Variants in BMF observed in about 807,000 individuals in gnomAD.
The protein encoded by BMF is bcl-2-modifying factor.
BMF carries 10 observed loss-of-function variants against 22.0 expected under a neutral mutation model. The observed-to-expected ratio is 0.45, with a 90% CI of 0.28 to 0.77. The LOEUF (loss-of-function observed/expected upper bound fraction) is 0.77, where lower values mean the gene tolerates loss of function less well. Among genes scored for constraint, BMF ranks in the 30% least tolerant of loss-of-function variants. The pLI is 0.13. For missense variants in BMF, 206 were observed against 226.8 expected (o/e 0.91, Z 0.59); for synonymous variants, 87 against 88.1 (o/e 0.99, Z 0.07).
intron 2 of BMF, among the ~76,000 whole-genome samples, chr15:40,107,123 C>A (rs1409681348): frequency 6.6e-6 from 1 of 152,214 alleles, no homozygotes; most frequent in Non-Finnish European, 1.5e-5. Context: ...TACTCAGCAT[C>A]TTAAGCTTCC....
intron 4 of BMF, among the ~76,000 whole-genome samples, chr15:40,099,778 A>AT (rs2036437864): frequency 9.1e-6 from 1 of 109,884 alleles, no homozygotes; most frequent in Non-Finnish European, 2.0e-5. Flanking sequence ...ACGCTGTCTC[A>AT]CCAAAAAAAA....
At chr15:40,093,049 T>C (rs1306063621) in intron 4 of BMF, among the ~76,000 whole-genome samples, 2 of 152,166 alleles carry the variant, frequency 1.3e-5, no homozygotes, top group Non-Finnish European at 2.9e-5. Flanking sequence ...CAACTACTCC[T>C]GGTCAGATGG....
chr15:40,093,707 T>C (rs2036296811), intron 4 of BMF, among the ~76,000 whole-genome samples: 1 of 152,134 alleles, frequency 6.6e-6, no homozygotes, highest in African/African-American at 2.4e-5. Context: ...CTGAGGTGCT[T>C]GTCTGAGAAG....
intron 4 of BMF, among the ~76,000 whole-genome samples, chr15:40,101,050 G>C (rs1043441874): frequency 2.0e-5 from 3 of 152,158 alleles, no homozygotes; most frequent in African/African-American, 7.2e-5. Flanking sequence ...AATCCAGCCC[G>C]CAATGATGGG....
chr15:40,096,905 G>A (rs962574273), intron 4 of BMF, among the ~76,000 whole-genome samples: 9 of 152,296 alleles, frequency 5.9e-5, no homozygotes, highest in African/African-American at 2.2e-4. Flanking sequence ...ACTTCAGACT[G>A]TGATCTGAAA....
intron 4 of BMF, among the ~76,000 whole-genome samples, chr15:40,094,017 C>T (rs528153314): frequency 5.3e-5 from 8 of 152,284 alleles, no homozygotes; most frequent in African/African-American, 1.7e-4. Flanking sequence ...GAGCTATGTC[C>T]CTTCCCATTA....
chr15:40,104,460 A>C, intron 3 of BMF, 120 bp from the exon 4 acceptor site: 2 of 1,305,804 alleles, frequency 1.5e-6, no homozygotes, highest in South Asian at 2.7e-5. Context: ...AAAGGATAGG[A>C]GCCAGCCTGC....
chr15:40,088,132 T>C lies in BMF; in HGVS notation c.*3655A>G, dbSNP rs1297870002. ...CACTGGGTCTCCTCGATAGCCCCTG[T>C]GGATCCAGGGATGGGGTAGAAGGCT... On this transcript the variant is annotated 3_prime_UTR_variant, in exon 5 of 5. Transcript: ENST00000354670. 6.6e-6 allele frequency: 1 copy of C among 152,602 alleles called. No homozygotes were observed. The highest frequency in any genetic ancestry group is 2.4e-5 in the African/African-American group (1 of 41,432). 9.5% of individuals were successfully genotyped at this position (152,602 alleles called of 1,614,324 possible).
In BMF at chr15:40,090,688, A is replaced by G. The variant is rs1157223269; in HGVS notation, c.*1099T>C. ...TTATCTGTTACTCTAAAAGTCACTT[A>G]GCTGGCAAAGCCACTGTCCTGGCTT... On this transcript the variant is annotated 3_prime_UTR_variant, in exon 5 of 5. Transcript: ENST00000354670. 6.6e-6 allele frequency: 1 copy of G among 152,258 alleles called. No homozygotes were observed. Among genetic ancestry groups the G allele is most frequent in the Non-Finnish European group, 1.5e-5 (1 of 68,052 alleles). 9.4% of individuals were successfully genotyped at this position (152,258 alleles called of 1,614,324 possible). A position where few individuals can be genotyped will look rare whatever the true frequency, so the allele number is the denominator to read the frequency against.
intron 4 of BMF, among the ~76,000 whole-genome samples, chr15:40,092,167 T>A (rs1292335512): frequency 3.3e-5 from 5 of 152,208 alleles, no homozygotes; most frequent in Non-Finnish European, 5.9e-5. Flanking sequence ...TTTCCCCTGC[T>A]TGCAGGATTT....
At position 40,105,902 on chromosome 15, in the gene BMF, G is replaced by A. The variant is rs1438022007; in HGVS notation, c.185C>T (p.Pro62Leu). ...GGTAGCTTTGTCTTCCTGGCTGGTG[G>A]GTCGAAGGCCAGGGCCACAGCAGTG... ...LTHCCGPGLR[P>L]TSQEDKATQT... Residue 62 changes from proline to leucine, a missense_variant, in exon 3 of 5, where the codon CCC becomes CTC. Transcript: ENST00000354670. 7.4e-6 allele frequency: 12 copies of A among 1,614,026 alleles called. No individual in the cohort carries two copies. The highest frequency in any genetic ancestry group is 1.1e-5 in the South Asian group (1 of 91,088).
chr15:40,102,125 C>A (rs562664198), intron 4 of BMF, among the ~76,000 whole-genome samples: 24 of 152,196 alleles, frequency 1.6e-4, no homozygotes, highest in Middle Eastern at 3.4e-3. Context: ...AGAAGTGATG[C>A]CAACCAGCAA....
chr15:40,105,687 G>T, intron 3 of BMF, 108 bp downstream of exon 3: 1 of 1,319,486 alleles, frequency 7.6e-7, no homozygotes, highest in Non-Finnish European at 1.0e-6. Flanking sequence ...CAACAGCCCC[G>T]CTGATCACTT....
At chr15:40,093,557 G>A (rs2036292589) in intron 4 of BMF, among the ~76,000 whole-genome samples, 1 of 152,228 alleles carries the variant, frequency 6.6e-6, no homozygotes, top group Non-Finnish European at 1.5e-5. Flanking sequence ...CCGGCCTGCA[G>A]CAGCTGGGCC....
chr15:40,098,796 AGG>A (rs2036415982), intron 4 of BMF, among the ~76,000 whole-genome samples: 1 of 151,622 alleles, frequency 6.6e-6, no homozygotes, highest in African/African-American at 2.4e-5. Context: ...ATCCCATGGC[AGG>A]CCTTGGTGGG....
At chr15:40,099,765 G>A (rs1258667828) in intron 4 of BMF, among the ~76,000 whole-genome samples, 2 of 102,806 alleles carry the variant, frequency 1.9e-5, no homozygotes, top group East Asian at 2.7e-4. Flanking sequence ...CAAGAAGAAC[G>A]AAACGCTGTC....
At position 40,091,318 on chromosome 15, in the gene BMF, T is replaced by G. The variant is rs1595470049; in HGVS notation, c.*469A>C. The G allele has an allele frequency of 6.5e-6, 1 of 153,866 alleles. No individual in the cohort carries two copies. 9.5% of individuals were successfully genotyped at this position (153,866 alleles called of 1,614,324 possible). ...GCCCCTGGCCGAAGCCCTGCTGGGT[T>G]AAAGCAATGTGACCATCAGGATCAC... On this transcript the variant is annotated 3_prime_UTR_variant, in exon 5 of 5. Transcript: ENST00000354670.
At position 40,104,137 on chromosome 15, in the gene BMF, C is replaced by A. The variant is rs1487583461; in HGVS notation, c.453+43G>T. 5 of 1,608,970 alleles carry A rather than the reference C, an allele frequency of 3.1e-6. No homozygotes were observed. In the Admixed American group the frequency reaches 6.7e-5, roughly 22 times the overall value. ...AGAGAGGCAGGCCCTGGCCCCCAAG[C>A]CCCAGCAGACTCAACCCTCCTCCCC... On this transcript the variant is annotated intron_variant, in intron 4 of 4. Coordinates refer to ENST00000354670, the MANE Select transcript of BMF (RefSeq NM_001003940.2).
chr15:40,092,445 A>T (rs1198921757), intron 4 of BMF, among the ~76,000 whole-genome samples: 2 of 144,450 alleles, frequency 1.4e-5, no homozygotes, highest in African/African-American at 5.2e-5. Flanking sequence ...ACACGCACAC[A>T]CACAGACTCA....
Sources: allele counts gnomAD v4.1 joint callset (sites outside exome capture counted in the v4.1 genomes callset), GRCh38; gene constraint gnomAD v4.1.1; transcripts MANE v1.5; gene names NCBI Gene and HGNC (gene_info 2026-07-23, HGNC 2026-07-21).